Variants in PRKCA observed in about 807,000 individuals in gnomAD.
PRKCA encodes protein kinase C alpha, also known as protein kinase C alpha type.
A neutral mutation model predicts 87.0 loss-of-function variants in PRKCA; 27 were observed. The ratio of observed to expected loss-of-function variants is 0.31; its 90% CI spans 0.23 to 0.43. PRKCA has a LOEUF of 0.43. Among genes scored for constraint, PRKCA ranks in the 20% least tolerant of loss-of-function variants. The pLI is 1.00. For synonymous variants in PRKCA, 329 were observed against 311.1 expected (o/e 1.06, Z -0.61); for missense variants, 518 against 852.3 (o/e 0.61, Z 4.88).
intron 5 of PRKCA, among the ~76,000 whole-genome samples, chr17:66,651,488 C>G (rs2143846807): frequency 1.3e-5 from 2 of 152,272 alleles, no homozygotes; most frequent in Admixed American, 1.3e-4. Flanking sequence ...GCAGGTAGCC[C>G]AACCTTTGCC....
chr17:66,340,337 G>A (rs1051117374), intron 2 of PRKCA, among the ~76,000 whole-genome samples: 1 of 150,678 alleles, frequency 6.6e-6, no homozygotes, highest in Non-Finnish European at 1.5e-5. Flanking sequence ...GCAGAATCCT[G>A]GTATTTGAAC....
chr17:66,595,133 C>T (rs1969932707), intron 3 of PRKCA, among the ~76,000 whole-genome samples: 1 of 152,128 alleles, frequency 6.6e-6, no homozygotes, highest in Non-Finnish European at 1.5e-5. Context: ...TCACATGACC[C>T]TCTTCCCTGT....
chr17:66,311,116 C>A (rs1905067887), intron 2 of PRKCA, among the ~76,000 whole-genome samples: 1 of 152,122 alleles, frequency 6.6e-6, no homozygotes, highest in African/African-American at 2.4e-5. Flanking sequence ...ATTGGTTACC[C>A]ATCCCCAAAT....
chr17:66,352,664 A>G (rs1015626116), intron 2 of PRKCA, among the ~76,000 whole-genome samples: 2 of 140,738 alleles, frequency 1.4e-5, no homozygotes, highest in African/African-American at 2.6e-5. Context: ...CCTGGGTTCA[A>G]GTGATTCTCC....
chr17:66,611,258 T>C (rs1473653839), intron 3 of PRKCA, among the ~76,000 whole-genome samples: 1 of 152,192 alleles, frequency 6.6e-6, no homozygotes, highest in African/African-American at 2.4e-5. Context: ...TGTGTATGCC[T>C]AGAGTTGTAC....
At chr17:66,634,583 C>T (rs2143764872) in intron 3 of PRKCA, among the ~76,000 whole-genome samples, 1 of 152,280 alleles carries the variant, frequency 6.6e-6, no homozygotes. Context: ...TATCTACAGC[C>T]CTTTGGTGCA....
At chr17:66,550,932 C>G (rs919017408) in intron 3 of PRKCA, among the ~76,000 whole-genome samples, 17 of 152,136 alleles carry the variant, frequency 1.1e-4, no homozygotes, top group African/African-American at 4.1e-4. Context: ...TATTAAACGG[C>G]TTCTTTTCTT....
chr17:66,787,142 C>G (rs1372912000), intron 15 of PRKCA, 168 bp downstream of exon 15: 3 of 777,070 alleles, frequency 3.9e-6, no homozygotes, highest in Non-Finnish European at 7.2e-6. Flanking sequence ...AACCAGCACC[C>G]CAACTTTGGA....
chr17:66,563,922 C>T (rs534384057), intron 3 of PRKCA, among the ~76,000 whole-genome samples: 2 of 152,066 alleles, frequency 1.3e-5, no homozygotes, highest in African/African-American at 4.8e-5. Context: ...TTATATAAAA[C>T]ATTTAAAAAT....
chr17:66,780,471 T>C (rs1007542233), intron 14 of PRKCA, among the ~76,000 whole-genome samples: 1 of 151,998 alleles, frequency 6.6e-6, no homozygotes, highest in Non-Finnish European at 1.5e-5. Flanking sequence ...GGTCAGGAGT[T>C]TGTAGACCAG....
At chr17:66,673,314 G>A (rs1337627300) in intron 5 of PRKCA, among the ~76,000 whole-genome samples, 1 of 152,176 alleles carries the variant, frequency 6.6e-6, no homozygotes. Flanking sequence ...GCCAACCTGT[G>A]TTTTCTGGTA....
At chr17:66,721,168 G>A (rs536580636) in intron 8 of PRKCA, among the ~76,000 whole-genome samples, 11 of 152,122 alleles carry the variant, frequency 7.2e-5, no homozygotes, top group East Asian at 3.9e-4. Context: ...AGGCCGAGGC[G>A]GGCGGATCAT....
At chr17:66,393,967 C>T (rs1037651704) in intron 2 of PRKCA, among the ~76,000 whole-genome samples, 3 of 151,946 alleles carry the variant, frequency 2.0e-5, no homozygotes, top group East Asian at 1.9e-4. Context: ...CCCACCTACT[C>T]GGGAGACTGA....
At chr17:66,341,323 G>A (rs1907031196) in intron 2 of PRKCA, among the ~76,000 whole-genome samples, 1 of 152,200 alleles carries the variant, frequency 6.6e-6, no homozygotes, top group African/African-American at 2.4e-5. Context: ...AGAGCATGGT[G>A]ACATTTTTTT....
chr17:66,407,198 C>T (rs1364134181), intron 2 of PRKCA, among the ~76,000 whole-genome samples: 1 of 151,792 alleles, frequency 6.6e-6, no homozygotes, highest in East Asian at 1.9e-4. Flanking sequence ...GGATCTGTGC[C>T]CCACCCAAAT....
chr17:66,761,945 A>G (rs73994607), intron 13 of PRKCA, among the ~76,000 whole-genome samples: 15,895 of 152,098 alleles, frequency 0.1, 1,051 homozygotes, highest in East Asian at 0.26. Flanking sequence ...GGAGAGGGCC[A>G]AGGAGGGTGT....
intron 8 of PRKCA, among the ~76,000 whole-genome samples, chr17:66,720,680 G>C (rs1973592508): frequency 6.6e-6 from 1 of 152,232 alleles, no homozygotes. Flanking sequence ...ATCACCATCA[G>C]TGTTGTTTTG....
chr17:66,497,021 G>C (rs1416772086), intron 3 of PRKCA, among the ~76,000 whole-genome samples: 1 of 152,186 alleles, frequency 6.6e-6, no homozygotes, highest in Non-Finnish European at 1.5e-5. Context: ...ACTGCTCCTG[G>C]TTTACTCCAG....
At chr17:66,411,106 C>G (rs1175780231) in intron 2 of PRKCA, among the ~76,000 whole-genome samples, 1 of 152,106 alleles carries the variant, frequency 6.6e-6, no homozygotes, top group Non-Finnish European at 1.5e-5. Context: ...GGGTCTTGCC[C>G]TGTCGCCCAG....
Sources: gnomAD v4.1 joint callset for allele counts (sites outside exome capture counted in the v4.1 genomes callset) on GRCh38, gnomAD v4.1.1 for gene constraint, MANE v1.5 for transcripts, NCBI Gene and HGNC (gene_info 2026-07-23, HGNC 2026-07-21) for gene names.